MGAM2: variants seen among roughly 807,000 people sequenced by gnomAD.
MGAM2 encodes the protein probable maltase-glucoamylase 2.
In MGAM2, 98 loss-of-function variants were observed where a neutral mutation model predicts 96.1. The ratio of observed to expected loss-of-function variants is 1.02; its 90% CI spans 0.87 to 1.21. The LOEUF (loss-of-function observed/expected upper bound fraction) is 1.21. Ranked by LOEUF, MGAM2 falls within the 50% of genes most tolerant of loss-of-function variation. MGAM2 has a pLI of 0.00. For missense variants in MGAM2, 2,055 were observed against 1,182.4 expected (o/e 1.74, Z -10.82); for synonymous variants, 749 against 414.8 (o/e 1.81, Z -9.79).
Position 142,221,166 on chromosome 7 carries a change from G to A in MGAM2, c.6655G>A (p.Ala2219Thr), listed in dbSNP as rs1269005525. The A allele has an allele frequency of 1.4e-6, 1 of 702,398 alleles. No individual in the cohort carries two copies. 43.5% of individuals were successfully genotyped at this position (702,398 alleles called of 1,614,324 possible). Reference protein sequence around the residue: ...TNAMNTTVIMATTSPTSTDVA... With the variant: ...TNAMNTTVIMTTTSPTSTDVA... ...TGCTATGAACACTACTGTTATTATG[G>A]CAACTACTTCTCCTACAAGTACTGA... Residue 2219 changes from alanine to threonine, a missense_variant, in exon 48 of 48, where the codon GCA becomes ACA. Physicochemically the swap from Ala to Thr is moderately conservative, Grantham distance 58. Transcript: ENST00000477922.
intron 26 of MGAM2, among the ~76,000 whole-genome samples, chr7:142,169,749 T>G (rs181993300): frequency 6.6e-6 from 1 of 152,162 alleles, no homozygotes; most frequent in Non-Finnish European, 1.5e-5. Context: ...CACATTTCTA[T>G]GCACATACAT....
intron 17 of MGAM2, among the ~76,000 whole-genome samples, chr7:142,157,186 G>C (rs373667970): frequency 6.6e-6 from 1 of 152,088 alleles, no homozygotes; most frequent in East Asian, 1.9e-4. Context: ...ATGGTGGCAG[G>C]CAATGTGGCT....
intron 27 of MGAM2, 70 bp from the exon 28 acceptor site, chr7:142,171,202 A>T (rs529221994): frequency 1.4e-6 from 1 of 700,174 alleles, no homozygotes; most frequent in Non-Finnish European, 2.6e-6. Flanking sequence ...TCAACTAGAC[A>T]TTCCAAACAC....
intron 2 of MGAM2, among the ~76,000 whole-genome samples, chr7:142,119,147 C>A (rs951622158): frequency 6.6e-6 from 1 of 151,942 alleles, no homozygotes; most frequent in African/African-American, 2.4e-5. Flanking sequence ...AGATATATTT[C>A]TTTTTACATC....
At chr7:142,118,374 T>C (rs1234728441) in intron 2 of MGAM2, among the ~76,000 whole-genome samples, 2 of 152,212 alleles carry the variant, frequency 1.3e-5, no homozygotes, top group Non-Finnish European at 2.9e-5. Context: ...TATTGAAATA[T>C]ATATATATGT....
At chr7:142,198,048 A>C (rs1797105855) in intron 42 of MGAM2, 91 bp from the exon 43 acceptor site, 1 of 650,412 alleles carries the variant, frequency 1.5e-6, no homozygotes, top group South Asian at 1.7e-5. Context: ...TACAATTTTC[A>C]TTTTTTATCT....
chr7:142,163,411 AGCTGGGATTACAGGCAT>A (rs1280852175), intron 23 of MGAM2, among the ~76,000 whole-genome samples: 9 of 152,112 alleles, frequency 5.9e-5, no homozygotes, highest in African/African-American at 1.9e-4. Context: ...CCTCCTGAGT[AGCTGGGATTACAGGCAT>A]GCACCACCAT....
intron 27 of MGAM2, among the ~76,000 whole-genome samples, chr7:142,170,780 G>C (rs564293146): frequency 1.3e-5 from 2 of 152,160 alleles, no homozygotes; most frequent in Non-Finnish European, 2.9e-5. Flanking sequence ...CCCAGTAGAA[G>C]CTGTCACCTG....
intron 3 of MGAM2, among the ~76,000 whole-genome samples, chr7:142,120,690 ATGTT>A (rs1276438200): frequency 6.6e-6 from 1 of 152,174 alleles, no homozygotes; most frequent in African/African-American, 2.4e-5. Flanking sequence ...GAAAGGTTAA[ATGTT>A]TGTGGGCTAG....
intron 45 of MGAM2, among the ~76,000 whole-genome samples, chr7:142,204,415 G>C (rs1797335605): frequency 6.6e-6 from 1 of 151,992 alleles, no homozygotes. Flanking sequence ...TCTCTTCAGA[G>C]CTCAGTTCAG....
In MGAM2 at chr7:142,221,267, T is replaced by C. The variant is rs1368657020; in HGVS notation, c.6756T>C (p.Ser2252=). 2 of 691,454 alleles carry C rather than the reference T, an allele frequency of 2.9e-6. No individual in the cohort carries two copies. Among genetic ancestry groups the C allele is most frequent in the Non-Finnish European group, 5.3e-6 (2 of 378,524 alleles). The allele number at this position is 691,454 out of a possible 1,614,324, so 42.8% of individuals were successfully genotyped here. A position where few individuals can be genotyped will look rare whatever the true frequency, so the allele number is the denominator to read the frequency against. The change falls in exon 48 of 48, where the codon AGT becomes AGC. Residue 2252 remains serine (S), a synonymous_variant. Transcript: ENST00000477922. ...LATMSAGNIT[S]NSISITTTSF... ...CAATGTCTGCTGGTAATATAACTAG[T>C]AATAGTATTTCCATAACAACTACTT...
In MGAM2 at chr7:142,167,493, C is replaced by A. The variant is rs955768099; in HGVS notation, c.3027+7C>A. On this transcript the variant is annotated splice_region_variant and intron_variant, in intron 26 of 47. Coordinates refer to ENST00000477922, the MANE Select transcript of MGAM2 (RefSeq NM_001293626.2). ...AACCATGCTGCAGGTCAAGGTAAGGCCCATGTTGCAGATTCTGGTTCTCAA... is the reference window on the plus strand; with the variant it reads ...AACCATGCTGCAGGTCAAGGTAAGGACCATGTTGCAGATTCTGGTTCTCAA... 1 of 702,886 alleles carries A rather than the reference C, an allele frequency of 1.4e-6. No individual in the cohort carries two copies. Among genetic ancestry groups the A allele is most frequent in the East Asian group, 2.7e-5 (1 of 37,284 alleles). The allele number at this position is 702,886 out of a possible 1,614,324, so 43.5% of individuals were successfully genotyped here. A position where few individuals can be genotyped will look rare whatever the true frequency, so the allele number is the denominator to read the frequency against.
At chr7:142,171,581 T>C in intron 28 of MGAM2, 141 bp downstream of exon 28, 2 of 414,114 alleles carry the variant, frequency 4.8e-6, no homozygotes, top group Non-Finnish European at 8.8e-6. Context: ...AGAGCACGTG[T>C]CACATTCTTT....
rs977095763 is a variant in MGAM2, at chr7:142,148,613, G to T, written c.1634+1040G>T. The stretch of plus-strand genomic sequence containing the variant: ...TGTGTAGTTTCTTCTGTGGAAGATG[G>T]TACAATACAATCATTATACCTAAGA... On this transcript the variant is annotated intron_variant, in intron 15 of 47. Coordinates refer to ENST00000477922, the MANE Select transcript of MGAM2 (RefSeq NM_001293626.2). The surrounding 1 kb of genome is among the most constrained non-coding windows in gnomAD (Gnocchi z 4.2). Among the ~76,000 whole-genome samples, 3 of 152,164 alleles carry T rather than the reference G, an allele frequency of 2.0e-5. No individual in the cohort carries two copies. Among genetic ancestry groups the T allele is most frequent in the Non-Finnish European group, 4.4e-5 (3 of 68,042 alleles).
rs538895718 is a variant in MGAM2, at chr7:142,218,389, A to G, written c.5216A>G (p.Asn1739Ser). ...ATCCTGCAAATCCAGACCATACACA[A>G]TAAGTATTTGAGTGACTCGAATCCA... ...QNILQIQTIH[N>S]KYLSDSNPLK... Residue 1739 changes from asparagine (N) to serine (S), a missense_variant, in exon 47 of 48, where the codon AAT (asparagine) becomes AGT (serine). Asn to Ser is a conservative substitution (Grantham distance 46). Transcript: ENST00000477922. 11 of 700,310 alleles carry G rather than the reference A, an allele frequency of 1.6e-5. No homozygotes were observed. The African/African-American group carries it at 1.9e-4, about 12-fold the overall frequency. The allele number at this position is 700,310 out of a possible 1,614,324, so 43.4% of individuals were successfully genotyped here.
chr7:142,203,435 C>T (rs1489482964), intron 45 of MGAM2, among the ~76,000 whole-genome samples: 1 of 152,048 alleles, frequency 6.6e-6, no homozygotes, highest in African/African-American at 2.4e-5. Flanking sequence ...AAGCAATGTA[C>T]AGATTCGACA....
At chr7:142,135,723 T>TACACACACACAC (rs144830276) in intron 7 of MGAM2, among the ~76,000 whole-genome samples, 15,599 of 144,964 alleles carry the variant, frequency 0.11, 937 homozygotes, top group Admixed American at 0.21. Context: ...CACTTAGAGT[T>TACACACACACAC]ACACACACAC....
At chr7:142,153,770 C>G (rs377189868) in intron 15 of MGAM2, among the ~76,000 whole-genome samples, 5 of 152,164 alleles carry the variant, frequency 3.3e-5, no homozygotes, top group Non-Finnish European at 5.9e-5. Context: ...AATCGGGGAA[C>G]GGAAGCCTAG....
intron 3 of MGAM2, among the ~76,000 whole-genome samples, chr7:142,120,691 T>G (rs941271113): frequency 6.6e-6 from 1 of 152,178 alleles, no homozygotes; most frequent in Non-Finnish European, 1.5e-5. Flanking sequence ...AAAGGTTAAA[T>G]GTTTGTGGGC....
Sources: gnomAD v4.1 joint callset for allele counts (sites outside exome capture counted in the v4.1 genomes callset) on GRCh38, gnomAD v4.1.1 for gene constraint, Gnocchi (gnomAD v3.1) non-coding constraint, MANE v1.5 for transcripts, NCBI Gene and HGNC (gene_info 2026-07-23, HGNC 2026-07-21) for gene names.